Variants in CNNM2 observed in about 807,000 individuals in gnomAD.
The protein encoded by CNNM2 is cyclin and CBS domain divalent metal cation transport mediator 2.
CNNM2 carries 12 observed loss-of-function variants against 66.9 expected under a neutral mutation model. The ratio of observed to expected loss-of-function variants is 0.18; its 90% CI spans 0.11 to 0.29. The LOEUF is 0.29. CNNM2 is among the 10% of genes least tolerant of loss of function. The pLI, the probability that CNNM2 is intolerant of heterozygous loss-of-function variation, is 1.00. For missense variants in CNNM2, 705 were observed against 1,167.7 expected (o/e 0.60, Z 5.77); for synonymous variants, 557 against 501.8 (o/e 1.11, Z -1.47).
chr10:103,053,723 T>C (rs2065252930), intron 2 of CNNM2, among the ~76,000 whole-genome samples: 1 of 152,212 alleles, frequency 6.6e-6, no homozygotes, highest in Non-Finnish European at 1.5e-5. Context: ...TTCGCAGACC[T>C]CTGTCCGGAT....
chr10:102,986,651 G>T (rs1188904975), intron 1 of CNNM2, among the ~76,000 whole-genome samples: 1 of 151,698 alleles, frequency 6.6e-6, no homozygotes, highest in Admixed American at 6.6e-5. Flanking sequence ...ATGGTGGCAG[G>T]TACCTGTAGT....
rs147396510 is a variant in CNNM2, at chr10:102,953,752, G to C, written c.1621+33651G>C. Reference sequence around the variant, plus strand: ...TTTTCTGTATTTCTGGTAGAGACTGGGTTTTGTCATGCTGGCTAGGCTGGT... The same window carrying C: ...TTTTCTGTATTTCTGGTAGAGACTGCGTTTTGTCATGCTGGCTAGGCTGGT... On this transcript the variant is annotated intron_variant, in intron 1 of 7. Coordinates refer to ENST00000369878, the MANE Select transcript of CNNM2 (RefSeq NM_017649.5). Among the ~76,000 whole-genome samples the C allele has an allele frequency of 3.3e-3, 500 of 150,962 alleles. 6 individuals carry two copies. Among genetic ancestry groups the C allele is most frequent in the African/African-American group, 0.011 (472 of 41,070 alleles).
intron 1 of CNNM2, among the ~76,000 whole-genome samples, chr10:103,020,343 A>G (rs183147607): frequency 6.6e-6 from 1 of 152,172 alleles, no homozygotes; most frequent in Non-Finnish European, 1.5e-5. Flanking sequence ...TTTAGTAGGG[A>G]TGGGGTTTCA....
At chr10:102,970,322 A>G (rs1430859033) in intron 1 of CNNM2, among the ~76,000 whole-genome samples, 1 of 152,212 alleles carries the variant, frequency 6.6e-6, no homozygotes, top group Non-Finnish European at 1.5e-5. Flanking sequence ...CTTGAAAATA[A>G]TTGTGATATG....
chr10:102,981,473 A>G (rs1053732288), intron 1 of CNNM2, among the ~76,000 whole-genome samples: 4 of 151,912 alleles, frequency 2.6e-5, no homozygotes, highest in African/African-American at 9.7e-5. Flanking sequence ...CATATCCTCC[A>G]GTAGTTCCTA....
At chr10:102,982,554 G>A (rs1207333592) in intron 1 of CNNM2, among the ~76,000 whole-genome samples, 1 of 152,210 alleles carries the variant, frequency 6.6e-6, no homozygotes, top group African/African-American at 2.4e-5. Context: ...CCAGCTTTGG[G>A]CTGTTTGCTC....
intron 1 of CNNM2, among the ~76,000 whole-genome samples, chr10:102,986,439 G>A (rs1199513846): frequency 6.6e-6 from 1 of 152,118 alleles, no homozygotes; most frequent in East Asian, 1.9e-4. Context: ...TTATAGGGAA[G>A]TTAGTTTCAG....
intron 1 of CNNM2, among the ~76,000 whole-genome samples, chr10:103,021,541 C>A (rs1432064831): frequency 1.3e-5 from 2 of 152,000 alleles, no homozygotes; most frequent in East Asian, 1.9e-4. Context: ...AGTGGTCTTA[C>A]CCGAAACGCC....
intron 1 of CNNM2, among the ~76,000 whole-genome samples, chr10:103,028,826 T>C (rs2064762717): frequency 2.5e-5 from 3 of 121,074 alleles, no homozygotes; most frequent in African/African-American, 9.5e-5. Flanking sequence ...TTTTTTTTTT[T>C]TCTTTTTTTT....
At chr10:102,958,073 A>T (rs1285181864) in intron 1 of CNNM2, among the ~76,000 whole-genome samples, 1 of 152,124 alleles carries the variant, frequency 6.6e-6, no homozygotes, top group East Asian at 1.9e-4. Context: ...AGTAGCTGGG[A>T]TTACAGGCAT....
At chr10:102,973,068 C>T (rs1217159231) in intron 1 of CNNM2, among the ~76,000 whole-genome samples, 1 of 151,754 alleles carries the variant, frequency 6.6e-6, no homozygotes, top group Non-Finnish European at 1.5e-5. Flanking sequence ...AATGGTTCAT[C>T]TTAGTCAACT....
At chr10:102,988,238 G>T (rs1033239355) in intron 1 of CNNM2, among the ~76,000 whole-genome samples, 1 of 152,140 alleles carries the variant, frequency 6.6e-6, no homozygotes, top group Non-Finnish European at 1.5e-5. Context: ...GGAGGCGGAG[G>T]TTGCAGTGAG....
At chr10:102,998,602 A>G (rs1448059285) in intron 1 of CNNM2, among the ~76,000 whole-genome samples, 1 of 152,224 alleles carries the variant, frequency 6.6e-6, no homozygotes, top group Non-Finnish European at 1.5e-5. Context: ...GGTAAACACC[A>G]AGATTGGAAA....
At position 103,089,420 on chromosome 10, in the gene CNNM2, C is replaced by A; in HGVS notation, c.*12240C>A. The A allele has an allele frequency of 2.4e-6, 1 of 412,688 alleles. No individual in the cohort carries two copies. Among genetic ancestry groups the A allele is most frequent in the Non-Finnish European group, 4.1e-6 (1 of 242,454 alleles). 25.6% of individuals were successfully genotyped at this position (412,688 alleles called of 1,614,324 possible). A position where few individuals can be genotyped will look rare whatever the true frequency, so the allele number is the denominator to read the frequency against. On this transcript the variant is annotated 3_prime_UTR_variant, in exon 8 of 8. Coordinates refer to ENST00000369878, the MANE Select transcript of CNNM2 (RefSeq NM_017649.5). ...AAGCCACAGTGGAGCCATATACATG[C>A]AGTTCAGCCTGATTTTACCCTTATT...
chr10:102,962,690 C>CTCTGTGTG (rs1554892620), intron 1 of CNNM2, among the ~76,000 whole-genome samples: 1 of 143,802 alleles, frequency 7.0e-6, no homozygotes, highest in East Asian at 2.0e-4. Context: ...ATATGATATA[C>CTCTGTGTG]TGTGTGTGTG....
At chr10:102,948,451 C>T (rs187044165) in intron 1 of CNNM2, among the ~76,000 whole-genome samples, 148 of 152,204 alleles carry the variant, frequency 9.7e-4, no homozygotes, top group Non-Finnish European at 1.9e-3. Context: ...ATTGTACACT[C>T]AAGGAGCTGA....
chr10:102,937,654 A>G (rs1236780861), intron 1 of CNNM2, among the ~76,000 whole-genome samples: 1 of 152,220 alleles, frequency 6.6e-6, no homozygotes, highest in Non-Finnish European at 1.5e-5. Flanking sequence ...TTGCTAAAAT[A>G]AAAAGACCTT....
At chr10:102,927,500 C>T in intron 1 of CNNM2, 1 of 1,563,140 alleles carries the variant, frequency 6.4e-7, no homozygotes, top group Non-Finnish European at 8.7e-7. Context: ...TGGCTCATGC[C>T]TGTAATCCCG....
intron 1 of CNNM2, among the ~76,000 whole-genome samples, chr10:103,011,769 A>G (rs1590392856): frequency 6.6e-6 from 1 of 150,700 alleles, no homozygotes; most frequent in African/African-American, 2.4e-5. Context: ...GCTCACTGCA[A>G]CCTCTGCCTC....
Sources: gnomAD v4.1 joint callset for allele counts (sites outside exome capture counted in the v4.1 genomes callset) on GRCh38, gnomAD v4.1.1 for gene constraint, MANE v1.5 for transcripts, NCBI Gene and HGNC (gene_info 2026-07-23, HGNC 2026-07-21) for gene names.